The following FER1L6 variants were observed in gnomAD, a reference collection of about 807,000 sequenced individuals.
FER1L6 encodes fer-1-like protein 6.
Under a neutral mutation model 219.2 loss-of-function variants are expected in FER1L6, and 177 were observed. That is an observed-to-expected ratio of 0.81 (90% confidence interval 0.71 to 0.91). The LOEUF is 0.91. FER1L6 is among the 40% of genes least tolerant of loss of function. The probability of loss-of-function intolerance (pLI) is 0.00; values close to 1 mark genes in which losing one functional copy is unlikely to be tolerated. For synonymous variants in FER1L6, 768 were observed against 824.3 expected (o/e 0.93, Z 1.17); for missense variants, 2,153 against 2,259.9 (o/e 0.95, Z 0.96).
chr8:124,110,425 C>T (rs752360055), intron 39 of FER1L6, among the ~76,000 whole-genome samples: 1 of 152,188 alleles, frequency 6.6e-6, no homozygotes, highest in Non-Finnish European at 1.5e-5. Flanking sequence ...CTGTGCCATA[C>T]TTCATTTTCT....
rs1443518541 is a variant in FER1L6, at chr8:123,852,559, T to C, written c.-8+374T>C. ...AGAAAGAAGAGAGACTGGTAAAATT[T>C]TGGGGGATTATAGAGACAAAAAGCA... is the stretch of plus-strand genomic sequence containing the variant. On this transcript the variant is annotated intron_variant, in intron 1 of 40. Coordinates refer to ENST00000522917, the MANE Select transcript of FER1L6 (RefSeq NM_001039112.2). The surrounding 1 kb of genome is among the most constrained non-coding windows in gnomAD (Gnocchi z 4.9). 4.0e-5 allele frequency among the ~76,000 whole-genome samples: 6 copies of C among 150,972 alleles called. No homozygotes were observed. Among genetic ancestry groups the C allele is most frequent in the Non-Finnish European group, 8.9e-5 (6 of 67,794 alleles).
chr8:123,906,280 T>C (rs1054221795), intron 1 of FER1L6, among the ~76,000 whole-genome samples: 2 of 152,056 alleles, frequency 1.3e-5, no homozygotes, highest in Non-Finnish European at 2.9e-5. Flanking sequence ...CCTCTAGGGG[T>C]ATGGTGTAGT....
At chr8:123,860,166 T>G (rs1239577846) in intron 1 of FER1L6, among the ~76,000 whole-genome samples, 3 of 79,728 alleles carry the variant, frequency 3.8e-5, no homozygotes, top group East Asian at 4.0e-4. Flanking sequence ...GAGTGTGATA[T>G]TCCCCTTCCT....
intron 39 of FER1L6, among the ~76,000 whole-genome samples, chr8:124,108,872 T>C (rs1319320043): frequency 6.6e-6 from 1 of 152,008 alleles, no homozygotes; most frequent in East Asian, 1.9e-4. Flanking sequence ...AGGGAGTCCC[T>C]GTCTCTATAG....
At chr8:123,933,746 T>A (rs746597748) in intron 1 of FER1L6, among the ~76,000 whole-genome samples, 5 of 152,230 alleles carry the variant, frequency 3.3e-5, no homozygotes, top group Non-Finnish European at 7.3e-5. Context: ...CAAGGCACTG[T>A]GGTCATTTCC....
chr8:124,101,130 G>A lies in FER1L6; in HGVS notation c.4917G>A (p.Glu1639=), dbSNP rs1279592707. The change falls in exon 38 of 41, where the codon GAG becomes GAA. Residue 1639 remains glutamate (E), a synonymous_variant. Coordinates refer to ENST00000522917, the MANE Select transcript of FER1L6 (RefSeq NM_001039112.2). The part of the protein sequence containing the change: ...WLKGLEDDKQ[E]TDVHYNSLTG... ...AGGGCTTGGAGGATGACAAGCAGGA[G>A]ACAGATGTGCATTACAACTCCCTGA... The A allele has an allele frequency of 1.2e-6, 2 of 1,613,750 alleles. No individual in the cohort carries two copies. Among genetic ancestry groups the A allele is most frequent in the South Asian group, 1.1e-5 (1 of 91,056 alleles).
chr8:123,982,571 G>A lies in FER1L6; in HGVS notation c.1410+1760G>A, dbSNP rs180965163. On this transcript the variant is annotated intron_variant, in intron 11 of 40. Transcript: ENST00000522917. ...CTTGTTGGTGGCCAGTATCTTGCTG[G>A]ATTTATTAGTTATCTATGGCTGCAT... Among the ~76,000 whole-genome samples the A allele has an allele frequency of 1.8e-3, 271 of 152,212 alleles. 2 individuals carry two copies. The highest frequency in any genetic ancestry group is 6.8e-3 in the Middle Eastern group (2 of 294).
At chr8:123,967,810 A>G (rs181920367) in intron 5 of FER1L6, among the ~76,000 whole-genome samples, 1 of 152,096 alleles carries the variant, frequency 6.6e-6, no homozygotes, top group Admixed American at 6.6e-5. Context: ...ACAAAAATTA[A>G]CTGGGTGTGG....
chr8:124,092,047 A>G (rs1332332943), intron 34 of FER1L6, among the ~76,000 whole-genome samples: 1 of 152,088 alleles, frequency 6.6e-6, no homozygotes, highest in Admixed American at 6.6e-5. Context: ...AATATCACTT[A>G]TAATCCCCAA....
At chr8:124,043,519 C>A (rs1586630331) in intron 20 of FER1L6, among the ~76,000 whole-genome samples, 1 of 152,092 alleles carries the variant, frequency 6.6e-6, no homozygotes, top group African/African-American at 2.4e-5. Context: ...ATTATAGGCA[C>A]CTTGGCAGAG....
Position 124,039,823 on chromosome 8 carries a change from G to A in FER1L6, c.2465-59G>A, listed in dbSNP as rs932309254. Reference sequence around the variant, plus strand: ...GGACATCACACACAGACACACATGTGCACACACTGTTCTTGAAAAGCCCAC... The same window carrying A: ...GGACATCACACACAGACACACATGTACACACACTGTTCTTGAAAAGCCCAC... On this transcript the variant is annotated intron_variant, in intron 19 of 40. Coordinates refer to ENST00000522917, the MANE Select transcript of FER1L6 (RefSeq NM_001039112.2). 4.4e-5 allele frequency: 70 copies of A among 1,608,730 alleles called. No homozygotes were observed. In the African/African-American group the frequency reaches 8.7e-4, roughly 20 times the overall value.
intron 16 of FER1L6, 120 bp from the exon 17 acceptor site, chr8:124,021,430 C>G: frequency 7.4e-7 from 1 of 1,344,652 alleles, no homozygotes. Flanking sequence ...GACCCTGGAA[C>G]AGTCCACGTG....
Position 124,103,275 on chromosome 8 carries a change from G to A in FER1L6, c.5255G>A (p.Gly1752Asp), listed in dbSNP as rs770750050. Residue 1752 changes from glycine (G) to aspartate (D), a missense_variant, in exon 39 of 41, where the codon GGC becomes GAC. Transcript: ENST00000522917. The part of the protein sequence containing the change: ...ISIFQQKRVR[G>D]WWPFSKSKEL... ...ATATTCCAGCAAAAACGTGTGCGTG[G>A]CTGGTGGCCTTTTTCTAAAAGCAAA... The A allele has an allele frequency of 9.3e-6, 15 of 1,614,058 alleles. No individual in the cohort carries two copies. Among genetic ancestry groups the A allele is most frequent in the Non-Finnish European group, 1.3e-5 (15 of 1,179,980 alleles).
At position 124,013,506 on chromosome 8, in the gene FER1L6, C is replaced by A. The variant is rs761814658; in HGVS notation, c.1897C>A (p.Leu633Ile). Reference sequence around the variant, plus strand: ...ACCTGAAGAGAAAATGAAAACAGTGCTCAGTGACTTCATCAGTCGGAGCAG... The same window carrying A: ...ACCTGAAGAGAAAATGAAAACAGTGATCAGTGACTTCATCAGTCGGAGCAG... ...EAPEEKMKTV[L>I]SDFISRSSAF... Residue 633 changes from leucine (L) to isoleucine (I), a missense_variant, in exon 15 of 41, where the codon CTC (leucine) becomes ATC (isoleucine). Transcript: ENST00000522917. 2.5e-6 allele frequency: 4 copies of A among 1,609,032 alleles called. No individual in the cohort carries two copies. The highest frequency in any genetic ancestry group is 8.5e-7 in the Non-Finnish European group (1 of 1,178,438).
chr8:123,945,350 G>A (rs1044102200), intron 1 of FER1L6, among the ~76,000 whole-genome samples: 2 of 152,186 alleles, frequency 1.3e-5, no homozygotes, highest in African/African-American at 4.8e-5. Flanking sequence ...AAGAACCTGA[G>A]CAGAGCCTGT....
At chr8:124,025,842 T>A (rs1453292067) in intron 18 of FER1L6, among the ~76,000 whole-genome samples, 1 of 93,030 alleles carries the variant, frequency 1.1e-5, no homozygotes, top group Non-Finnish European at 2.3e-5. Context: ...GTGTCATCTA[T>A]GATTCTTAGA....
At chr8:123,890,419 T>C in intron 1 of FER1L6, among the ~76,000 whole-genome samples, 1 of 151,898 alleles carries the variant, frequency 6.6e-6, no homozygotes, top group East Asian at 1.9e-4. Context: ...TTTGCTGTTC[T>C]TTGGGATTAA....
chr8:124,002,370 G>A (rs1479254783), intron 12 of FER1L6, among the ~76,000 whole-genome samples: 3 of 152,168 alleles, frequency 2.0e-5, no homozygotes, highest in South Asian at 2.1e-4. Flanking sequence ...GGTCAGGAAC[G>A]AAGAAGTTAG....
chr8:124,037,690 T>G (rs1819279768), intron 19 of FER1L6, among the ~76,000 whole-genome samples: 1 of 152,162 alleles, frequency 6.6e-6, no homozygotes, highest in Admixed American at 6.5e-5. Context: ...TTGGTCCCCA[T>G]GCAGCCAGAC....
Sources: gnomAD v4.1 joint callset for allele counts (sites outside exome capture counted in the v4.1 genomes callset) on GRCh38, gnomAD v4.1.1 for gene constraint, Gnocchi (gnomAD v3.1) non-coding constraint, MANE v1.5 for transcripts, NCBI Gene and HGNC (gene_info 2026-07-23, HGNC 2026-07-21) for gene names.